The following MED29 variants were observed in gnomAD, a reference collection of about 807,000 sequenced individuals.
The protein encoded by MED29 is mediator of RNA polymerase II transcription subunit 29.
MED29 carries 14 observed loss-of-function variants against 22.0 expected under a neutral mutation model. The observed-to-expected ratio is 0.64, with a 90% CI of 0.42 to 0.99. MED29 has a LOEUF of 0.99. Ranked by LOEUF, MED29 falls within the 50% of genes least tolerant of loss-of-function variation. The probability of loss-of-function intolerance (pLI) is 0.00; values close to 1 mark genes in which losing one functional copy is unlikely to be tolerated. For missense variants in MED29, 241 were observed against 253.7 expected, an observed-to-expected ratio of 0.95 and a Z score of 0.34; for synonymous variants, 123 against 107.8, an observed-to-expected ratio of 1.14 and a Z score of -0.87.
intron 3 of MED29, among the ~76,000 whole-genome samples, chr19:39,395,928 AGG>A (rs965905319): frequency 6.6e-5 from 10 of 150,512 alleles, no homozygotes; most frequent in African/African-American, 2.2e-4. Flanking sequence ...AAAAAAAAAA[AGG>A]AGGACTGTCC....
chr19:39,392,761 G>A (rs1165144242), intron 2 of MED29: 1 of 511,984 alleles, frequency 2.0e-6, no homozygotes, highest in African/African-American at 2.0e-5. Flanking sequence ...AAGTAGCCAG[G>A]ACTACAGACA....
At position 39,398,460 on chromosome 19, in the gene MED29, G is replaced by A. The variant is rs1011671989; in HGVS notation, c.*761G>A. On this transcript the variant is annotated 3_prime_UTR_variant, in exon 4 of 4. Coordinates refer to ENST00000315588, the MANE Select transcript of MED29 (RefSeq NM_017592.4). ...CGTCAGCGGAACTTGAGTGAGGGGCGTTGTGCAATTTGTGGCAAGGCTGGC... is the reference window on the plus strand; with the variant it reads ...CGTCAGCGGAACTTGAGTGAGGGGCATTGTGCAATTTGTGGCAAGGCTGGC... 1.3e-5 allele frequency: 2 copies of A among 152,766 alleles called. No homozygotes were observed. Among genetic ancestry groups the A allele is most frequent in the East Asian group, 3.8e-4 (2 of 5,200 alleles). 9.5% of individuals were successfully genotyped at this position (152,766 alleles called of 1,614,324 possible).
chr19:39,392,622 T>TA, intron 2 of MED29, 100 bp downstream of exon 2: 55 of 857,748 alleles, frequency 6.4e-5, no homozygotes, highest in Non-Finnish European at 8.4e-5. Flanking sequence ...CTTCTATATT[T>TA]ACTTTTTTTT....
At chr19:39,393,505 A>G (rs569856705) in intron 2 of MED29, 48 bp from the exon 3 acceptor site, 1 of 1,570,286 alleles carries the variant, frequency 6.4e-7, no homozygotes, top group East Asian at 2.2e-5. Context: ...CTGGTGTCCC[A>G]AAGATTAGAA....
At chr19:39,397,426 T>A in intron 3 of MED29, 31 bp from the exon 4 acceptor site, 1 of 1,591,394 alleles carries the variant, frequency 6.3e-7, no homozygotes, top group Non-Finnish European at 8.5e-7. Context: ...CGGGTGGAGC[T>A]GATGCTGTCC....
Position 39,391,599 on chromosome 19 carries a change from T to C in MED29, c.177T>C (p.Arg59=), listed in dbSNP as rs1441108240. The stretch of plus-strand genomic sequence containing the variant: ...AACAGGACTTCGATCCTGTGCAGCG[T>C]TATAAGATGCTCATCCCGCAGCTGA... ...QQQQDFDPVQ[R]YKMLIPQLKE... is the part of the protein sequence containing the mutation. Residue 59 remains arginine, a synonymous_variant, in exon 1 of 4, where the codon CGT becomes CGC. Transcript: ENST00000315588. 6.2e-7 allele frequency: 1 copy of C among 1,609,564 alleles called. No homozygotes were observed. Among genetic ancestry groups the C allele is most frequent in the Admixed American group, 1.7e-5 (1 of 59,828 alleles).
At chr19:39,392,623 A>AC (rs764952261) in intron 2 of MED29, 101 bp downstream of exon 2, 626 of 619,094 alleles carry the variant, frequency 1.0e-3, no homozygotes, top group South Asian at 3.0e-3. Flanking sequence ...TTCTATATTT[A>AC]CTTTTTTTTT....
intron 3 of MED29, among the ~76,000 whole-genome samples, chr19:39,395,831 G>A (rs1003574462): frequency 5.3e-5 from 8 of 151,908 alleles, no homozygotes; most frequent in African/African-American, 1.9e-4. Flanking sequence ...GCAGGAGAAT[G>A]GCATGAACCC....
In MED29 at chr19:39,399,408, C is replaced by A. The variant is rs1001170581; in HGVS notation, c.*1709C>A. 6.6e-6 allele frequency: 1 copy of A among 152,244 alleles called. No homozygotes were observed. The highest frequency in any genetic ancestry group is 6.5e-5 in the Admixed American group (1 of 15,274). 9.4% of individuals were successfully genotyped at this position (152,244 alleles called of 1,614,324 possible). The stretch of plus-strand genomic sequence containing the variant: ...AATTAGCCGGGTGTGGTGGCACACA[C>A]CTGTAGTCCCAGCTACTCGGGAGGC... On this transcript the variant is annotated 3_prime_UTR_variant, in exon 4 of 4. Transcript: ENST00000315588.
rs1210262335 is a variant in MED29 at position 39,393,681 on chromosome 19, G to A, written c.360+44G>A. Reference sequence around the variant, plus strand: ...ACGGGGTAACAACAGCCGTGTCCCAGTCTCTGGGGTCTTCAGAAACAGTCA... The same window carrying A: ...ACGGGGTAACAACAGCCGTGTCCCAATCTCTGGGGTCTTCAGAAACAGTCA... On this transcript the variant is annotated intron_variant, in intron 3 of 3. Transcript: ENST00000315588. The A allele has an allele frequency of 3.3e-6, 5 of 1,514,254 alleles. No individual in the cohort carries two copies. In the East Asian group the frequency reaches 9.0e-5, roughly 27 times the overall value. 93.8% of individuals were successfully genotyped at this position (1,514,254 alleles called of 1,614,324 possible). A position where few individuals can be genotyped will look rare whatever the true frequency, so the allele number is the denominator to read the frequency against.
chr19:39,394,186 C>T (rs991758305), intron 3 of MED29, among the ~76,000 whole-genome samples: 5 of 151,996 alleles, frequency 3.3e-5, no homozygotes, highest in African/African-American at 7.3e-5. Flanking sequence ...TTAGATTATG[C>T]GTGTAAACTG....
At chr19:39,391,952 G>C (rs542966429) in intron 1 of MED29, among the ~76,000 whole-genome samples, 29 of 152,284 alleles carry the variant, frequency 1.9e-4, no homozygotes, top group African/African-American at 6.7e-4. Context: ...TTGAACCCAG[G>C]AGGCGGAGGT....
At chr19:39,391,723 C>T (rs1435210147) in intron 1 of MED29, 85 bp downstream of exon 1, 2 of 1,459,580 alleles carry the variant, frequency 1.4e-6, no homozygotes, top group Admixed American at 4.5e-5. Context: ...GGAGAGAGCG[C>T]TAAGCAGAAA....
At chr19:39,394,900 G>A (rs899056697) in intron 3 of MED29, among the ~76,000 whole-genome samples, 9 of 148,602 alleles carry the variant, frequency 6.1e-5, no homozygotes, top group Admixed American at 5.4e-4. Context: ...TCACTGTGTC[G>A]CCCGGGCTGG....
At chr19:39,395,450 T>C (rs1444200497) in intron 3 of MED29, among the ~76,000 whole-genome samples, 3 of 152,038 alleles carry the variant, frequency 2.0e-5, no homozygotes, top group Non-Finnish European at 2.9e-5. Flanking sequence ...GGCGCAGCCA[T>C]GGCAGGATCC....
rs546018292 is a variant in MED29, at chr19:39,400,168, C to T, written c.*2469C>T. On this transcript the variant is annotated 3_prime_UTR_variant, in exon 4 of 4. Coordinates refer to ENST00000315588, the MANE Select transcript of MED29 (RefSeq NM_017592.4). ...TGCAGGCAGGCAGATGGCTTGAGCC[C>T]AGGAATTCAAGACCAGTCCGAGCAA... 2 of 152,350 alleles carry T rather than the reference C, an allele frequency of 1.3e-5. No homozygotes were observed. The highest frequency in any genetic ancestry group is 4.8e-5 in the African/African-American group (2 of 41,570). 9.4% of individuals were successfully genotyped at this position (152,350 alleles called of 1,614,324 possible). A position where few individuals can be genotyped will look rare whatever the true frequency, so the allele number is the denominator to read the frequency against.
Position 39,397,857 on chromosome 19 carries a change from G to A in MED29, c.*158G>A, listed in dbSNP as rs2078438213. The A allele has an allele frequency of 4.7e-6, 6 of 1,282,740 alleles. No individual in the cohort carries two copies. The highest frequency in any genetic ancestry group is 6.3e-6 in the Non-Finnish European group (6 of 954,340). The allele number at this position is 1,282,740 out of a possible 1,614,324, so 79.5% of individuals were successfully genotyped here. On this transcript the variant is annotated 3_prime_UTR_variant, in exon 4 of 4. Coordinates refer to ENST00000315588, the MANE Select transcript of MED29 (RefSeq NM_017592.4). ...AGCAGAGGCCAACAGGGAGCTCGCA[G>A]GCCGGGCCCCTGCGTCCCTGCCCCT...
intron 2 of MED29, among the ~76,000 whole-genome samples, chr19:39,393,135 GC>G (rs2078408257): frequency 1.7e-5 from 2 of 115,768 alleles, no homozygotes; most frequent in Admixed American, 1.1e-4. Context: ...TTGCTCTGTC[GC>G]CCAGGCTGGA....
At chr19:39,394,396 G>A (rs1360752323) in intron 3 of MED29, among the ~76,000 whole-genome samples, 1 of 151,870 alleles carries the variant, frequency 6.6e-6, no homozygotes, top group Admixed American at 6.6e-5. Flanking sequence ...CAAGTAACTG[G>A]GACTATAGGC....
Sources: allele counts gnomAD v4.1 joint callset (sites outside exome capture counted in the v4.1 genomes callset), GRCh38; gene constraint gnomAD v4.1.1; transcripts MANE v1.5; gene names NCBI Gene and HGNC (gene_info 2026-07-23, HGNC 2026-07-21).